The following C12orf42 variants were observed in gnomAD, a reference collection of about 807,000 sequenced individuals.
The protein encoded by C12orf42 is uncharacterized protein C12orf42.
In C12orf42, 25 loss-of-function variants were observed where a neutral mutation model predicts 21.6. The observed-to-expected ratio is 1.16, with a 90% confidence interval of 0.84 to 1.62. The LOEUF is 1.62. C12orf42 is among the 40% of genes most tolerant of loss of function. The pLI, the probability that C12orf42 is intolerant of heterozygous loss-of-function variation, is 0.00. For synonymous variants in C12orf42, 174 were observed against 175.0 expected, an observed-to-expected ratio of 0.99 and a Z score of 0.05; for missense variants, 483 against 459.3, an observed-to-expected ratio of 1.05 and a Z score of -0.47.
chr12:103,381,473 A>C (rs1331504324), intron 3 of C12orf42, among the ~76,000 whole-genome samples: 2 of 152,170 alleles, frequency 1.3e-5, no homozygotes, highest in Non-Finnish European at 2.9e-5. Context: ...GGGAAAAGAA[A>C]GGGGAAAACA....
chr12:103,226,455 C>T, the C12orf42 span, among the ~76,000 whole-genome samples: 2 of 152,098 alleles, frequency 1.3e-5, no homozygotes, highest in African/African-American at 4.8e-5. Flanking sequence ...CAGGTTGCTG[C>T]CAAACGAGCC....
the C12orf42 span, among the ~76,000 whole-genome samples, chr12:103,194,307 G>A: frequency 1.3e-5 from 2 of 152,036 alleles, no homozygotes; most frequent in African/African-American, 2.4e-5. Flanking sequence ...TAGAGTACTG[G>A]AATTCCTAGC....
chr12:103,246,583 C>T lies in C12orf42; in HGVS notation c.*1367-8681G>A, dbSNP rs145057622. 2.3e-3 allele frequency among the ~76,000 whole-genome samples: 345 copies of T among 152,000 alleles called. 3 individuals are homozygous for T. The highest frequency in any genetic ancestry group is 3.9e-3 in the Admixed American group (60 of 15,224). ...GACAGTGTGGATATAACCCTTGGAA[C>T]CTAAACATTCCAAATATTGGAAATG... On this transcript the variant is annotated intron_variant and NMD_transcript_variant, in intron 10 of 10. Transcript: ENST00000547347.
rs1380553872 is a variant in C12orf42 at position 103,405,770 on chromosome 12, A to G, written c.79-4095T>C. On this transcript the variant is annotated intron_variant, in intron 2 of 5. Coordinates refer to ENST00000548883, the MANE Select transcript of C12orf42 (RefSeq NM_198521.5). ...TTGAAATCCTTGCTTCGGTCATTAAACTACTACCAAATAAAAAACATGTTT... is the reference window on the plus strand; with the variant it reads ...TTGAAATCCTTGCTTCGGTCATTAAGCTACTACCAAATAAAAAACATGTTT... Among the ~76,000 whole-genome samples the G allele has an allele frequency of 9.9e-5, 15 of 152,252 alleles. No homozygotes were observed. The East Asian group carries it at 2.9e-3, about 29-fold the overall frequency.
intron 10 of C12orf42, among the ~76,000 whole-genome samples, chr12:103,261,609 A>C (rs1357472630): frequency 6.6e-6 from 1 of 152,030 alleles, no homozygotes; most frequent in African/African-American, 2.4e-5. Context: ...CACTCTGTAA[A>C]TTATTCTTCG....
the C12orf42 span, among the ~76,000 whole-genome samples, chr12:103,219,691 C>A: frequency 9.9e-5 from 15 of 152,244 alleles, no homozygotes; most frequent in Non-Finnish European, 1.9e-4. Context: ...CAGAGAAATG[C>A]AAATCAAAAC....
intron 1 of C12orf42, among the ~76,000 whole-genome samples, chr12:103,481,857 C>A (rs917618367): frequency 6.9e-6 from 1 of 144,852 alleles, no homozygotes; most frequent in East Asian, 2.0e-4. Flanking sequence ...TTTTCTTTTT[C>A]TTTTTCTAGT....
intron 2 of C12orf42, among the ~76,000 whole-genome samples, chr12:103,403,022 C>T (rs2048136232): frequency 6.6e-6 from 1 of 152,148 alleles, no homozygotes; most frequent in African/African-American, 2.4e-5. Flanking sequence ...TGTCTTCTAC[C>T]TAGTATCCCT....
At chr12:103,202,605 T>C in the C12orf42 span, among the ~76,000 whole-genome samples, 1 of 152,166 alleles carries the variant, frequency 6.6e-6, no homozygotes, top group African/African-American at 2.4e-5. Flanking sequence ...ACAGGAAGTT[T>C]TCTGCTTTTC....
At chr12:103,546,765 T>C in the C12orf42 span, among the ~76,000 whole-genome samples, 14 of 152,294 alleles carry the variant, frequency 9.2e-5, no homozygotes, top group Admixed American at 2.0e-4. Context: ...GCTGAAGGAA[T>C]TTGAGAAACA....
At chr12:103,054,948 C>T in the C12orf42 span, among the ~76,000 whole-genome samples, 6 of 151,800 alleles carry the variant, frequency 4.0e-5, no homozygotes, top group Admixed American at 1.3e-4. Context: ...GTGTCATTCT[C>T]TTTATGTATT....
the C12orf42 span, among the ~76,000 whole-genome samples, chr12:103,514,334 G>C: frequency 6.6e-6 from 1 of 152,186 alleles, no homozygotes; most frequent in South Asian, 2.1e-4. Flanking sequence ...GGGTTGACAG[G>C]GGAGACCTCT....
the C12orf42 span, among the ~76,000 whole-genome samples, chr12:103,183,021 C>T: frequency 1.3e-5 from 2 of 152,062 alleles, no homozygotes; most frequent in African/African-American, 4.8e-5. Flanking sequence ...TCACTGTACT[C>T]CTCTTGTATT....
At chr12:103,273,903 G>A (rs1392456610) in intron 5 of C12orf42, 4 of 456,084 alleles carry the variant, frequency 8.8e-6, no homozygotes, top group African/African-American at 2.0e-5. Flanking sequence ...CAAAGTCCAA[G>A]GAGGACGAGC....
At chr12:103,062,843 C>T in the C12orf42 span, among the ~76,000 whole-genome samples, 1 of 151,932 alleles carries the variant, frequency 6.6e-6, no homozygotes, top group Middle Eastern at 3.4e-3. Flanking sequence ...CACTTCTATT[C>T]CATTCTATCT....
At chr12:103,180,732 G>T in the C12orf42 span, among the ~76,000 whole-genome samples, 2,937 of 141,342 alleles carry the variant, frequency 0.021, 34 homozygotes, top group East Asian at 0.031. Context: ...GGGTTCAAGC[G>T]ATTCTCCTGC....
chr12:103,166,172 G>A, the C12orf42 span, among the ~76,000 whole-genome samples: 1 of 152,158 alleles, frequency 6.6e-6, no homozygotes, highest in African/African-American at 2.4e-5. Flanking sequence ...CTAGCTCCCA[G>A]CAAGGACTCT....
At chr12:103,257,287 A>G (rs1479244553) in intron 10 of C12orf42, among the ~76,000 whole-genome samples, 1 of 152,158 alleles carries the variant, frequency 6.6e-6, no homozygotes, top group African/African-American at 2.4e-5. Context: ...TAATCTGTAT[A>G]ACAAACCCCT....
the C12orf42 span, among the ~76,000 whole-genome samples, chr12:103,526,692 T>C: frequency 6.6e-6 from 1 of 152,092 alleles, no homozygotes; most frequent in African/African-American, 2.4e-5. Context: ...CCTGACATGC[T>C]CCCTCTCCAT....
Sources: allele counts gnomAD v4.1 joint callset (sites outside exome capture counted in the v4.1 genomes callset), GRCh38; gene constraint gnomAD v4.1.1; transcripts MANE v1.5; gene names NCBI Gene and HGNC (gene_info 2026-07-23, HGNC 2026-07-21).